Variants in HMBOX1 observed in about 807,000 individuals in gnomAD.
The protein encoded by HMBOX1 is homeobox containing 1, also known as homeobox-containing protein 1.
A neutral mutation model predicts 54.5 loss-of-function variants in HMBOX1; 14 were observed. That is an observed-to-expected ratio of 0.26 (90% CI 0.17 to 0.40). HMBOX1 has a LOEUF of 0.40. HMBOX1 is among the 10% of genes least tolerant of loss of function. The pLI is 1.00. For missense variants in HMBOX1, 332 were observed against 514.4 expected (o/e 0.65, Z 3.43); for synonymous variants, 160 against 181.0 (o/e 0.88, Z 0.93).
At chr8:28,969,844 C>T (rs1464597024) in intron 2 of HMBOX1, among the ~76,000 whole-genome samples, 199 bp from the exon 3 acceptor site, 2 of 152,114 alleles carry the variant, frequency 1.3e-5, no homozygotes, top group Non-Finnish European at 1.5e-5. Flanking sequence ...TTTTATGTTA[C>T]ACCTATGTTC....
chr8:28,969,513 T>G (rs758950672), intron 2 of HMBOX1, among the ~76,000 whole-genome samples: 2 of 147,512 alleles, frequency 1.4e-5, no homozygotes, highest in South Asian at 4.3e-4. Context: ...TTTTGCTGGT[T>G]ATTAGCATTT....
Position 28,946,447 on chromosome 8 carries a change from G to C in HMBOX1, c.-57-17364G>C, listed in dbSNP as rs575587496. Among the ~76,000 whole-genome samples, 14 of 152,002 alleles carry C rather than the reference G, an allele frequency of 9.2e-5. No homozygotes were observed. The East Asian group carries it at 2.7e-3, about 30-fold the overall frequency. On this transcript the variant is annotated intron_variant, in intron 1 of 9. Transcript: ENST00000287701. Reference sequence around the variant, plus strand: ...TAGCCTGGCATGGTGGTGGATGCCTGTAATCCCAGCTACTTGGGAGCTTGA... The same window carrying C: ...TAGCCTGGCATGGTGGTGGATGCCTCTAATCCCAGCTACTTGGGAGCTTGA...
At chr8:28,937,124 C>T (rs944214953) in intron 1 of HMBOX1, among the ~76,000 whole-genome samples, 1 of 152,134 alleles carries the variant, frequency 6.6e-6, no homozygotes, top group African/African-American at 2.4e-5. Context: ...GTGAGGTTGG[C>T]ATAGCTGGGA....
chr8:29,007,487 G>C (rs935336000), intron 4 of HMBOX1, among the ~76,000 whole-genome samples: 1 of 151,892 alleles, frequency 6.6e-6, no homozygotes, highest in Non-Finnish European at 1.5e-5. Context: ...ATCACTTAGG[G>C]TTTGGAAAGC....
chr8:28,989,283 A>G (rs1461112735), intron 4 of HMBOX1, among the ~76,000 whole-genome samples: 2 of 152,192 alleles, frequency 1.3e-5, no homozygotes, highest in Non-Finnish European at 2.9e-5. Flanking sequence ...AGAAAAAAAA[A>G]AAAAGAAAAT....
intron 4 of HMBOX1, among the ~76,000 whole-genome samples, chr8:28,999,673 C>T (rs900646423): frequency 6.6e-6 from 1 of 151,838 alleles, no homozygotes; most frequent in African/African-American, 2.4e-5. Flanking sequence ...CCGTTGAGTC[C>T]TTTTAGATAA....
At chr8:28,973,030 G>A (rs1222329037) in intron 3 of HMBOX1, among the ~76,000 whole-genome samples, 2 of 151,844 alleles carry the variant, frequency 1.3e-5, no homozygotes, top group African/African-American at 4.8e-5. Flanking sequence ...GATCATCTTG[G>A]GGTCTCAGTG....
intron 1 of HMBOX1, among the ~76,000 whole-genome samples, chr8:28,903,020 C>T (rs1161877749): frequency 2.0e-5 from 3 of 152,104 alleles, no homozygotes; most frequent in African/African-American, 4.8e-5. Context: ...GGTGTCAGCA[C>T]GTAAAGACAT....
intron 4 of HMBOX1, among the ~76,000 whole-genome samples, chr8:28,992,601 T>A (rs1005181089): frequency 6.6e-6 from 1 of 151,924 alleles, no homozygotes; most frequent in African/African-American, 2.4e-5. Context: ...CTGGGCGCGG[T>A]GGCTCATGCC....
At chr8:28,992,925 TTC>T (rs890726815) in intron 4 of HMBOX1, among the ~76,000 whole-genome samples, 5 of 150,732 alleles carry the variant, frequency 3.3e-5, no homozygotes, top group African/African-American at 7.3e-5. Flanking sequence ...TAAATCTCCT[TTC>T]TGTGTTCCTC....
intron 2 of HMBOX1, among the ~76,000 whole-genome samples, chr8:28,968,949 G>A (rs1372415112): frequency 2.0e-5 from 3 of 152,208 alleles, no homozygotes; most frequent in East Asian, 1.9e-4. Context: ...CGAGGCGGGC[G>A]AATCACCTGA....
intron 5 of HMBOX1, among the ~76,000 whole-genome samples, chr8:29,016,498 A>T (rs1835028193): frequency 6.6e-6 from 1 of 152,236 alleles, no homozygotes; most frequent in Non-Finnish European, 1.5e-5. Flanking sequence ...ATCTATTCTT[A>T]TACAATAAAT....
At chr8:28,973,862 T>C (rs1461070223) in intron 3 of HMBOX1, among the ~76,000 whole-genome samples, 1 of 138,536 alleles carries the variant, frequency 7.2e-6, no homozygotes, top group Middle Eastern at 4.0e-3. Flanking sequence ...TCACCCAGGC[T>C]GGAGTACAGT....
At chr8:29,024,683 T>C (rs1171117618) in intron 6 of HMBOX1, among the ~76,000 whole-genome samples, 1 of 152,234 alleles carries the variant, frequency 6.6e-6, no homozygotes, top group Admixed American at 6.5e-5. Flanking sequence ...TTGATAATTA[T>C]ACGAAATTAT....
At chr8:29,019,993 T>C (rs1200121264) in intron 6 of HMBOX1, among the ~76,000 whole-genome samples, 2 of 152,238 alleles carry the variant, frequency 1.3e-5, no homozygotes, top group Non-Finnish European at 2.9e-5. Flanking sequence ...CATCTATTCC[T>C]TTCCTTGCTC....
In HMBOX1 at chr8:28,928,844, G is replaced by C. The variant is rs145004236; in HGVS notation, c.-57-34967G>C. Among the ~76,000 whole-genome samples the C allele has an allele frequency of 1.8e-4, 28 of 152,270 alleles. No homozygotes were observed. In the East Asian group the frequency reaches 5.2e-3, roughly 28 times the overall value. On this transcript the variant is annotated intron_variant, in intron 1 of 9. Coordinates refer to ENST00000287701, the MANE Select transcript of HMBOX1 (RefSeq NM_001135726.3). ...CTTGTATGTAGAATCTTTAGAAGTT[G>C]AACTCATAGAAATAGAATAGAAGGG...
At chr8:29,009,368 C>A in intron 5 of HMBOX1, 186 bp downstream of exon 5, 1 of 725,402 alleles carries the variant, frequency 1.4e-6, no homozygotes, top group Non-Finnish European at 1.7e-6. Context: ...ATTTTATTGT[C>A]TAATATTATC....
chr8:29,044,352 T>C (rs574291453), intron 6 of HMBOX1, among the ~76,000 whole-genome samples: 3 of 152,230 alleles, frequency 2.0e-5, no homozygotes, highest in African/African-American at 7.2e-5. Flanking sequence ...CCATGAAAGT[T>C]CTCCTTTTCT....
chr8:28,934,883 C>T (rs529799319), intron 1 of HMBOX1, among the ~76,000 whole-genome samples: 167 of 150,244 alleles, frequency 1.1e-3, no homozygotes, highest in South Asian at 2.1e-3. Context: ...GCCGAGATCG[C>T]GCCACTGGAC....
Sources: gnomAD v4.1 joint callset for allele counts (sites outside exome capture counted in the v4.1 genomes callset) on GRCh38, gnomAD v4.1.1 for gene constraint, MANE v1.5 for transcripts, NCBI Gene and HGNC (gene_info 2026-07-23, HGNC 2026-07-21) for gene names.